Variants in CREBRF observed in about 807,000 individuals in gnomAD.
The protein encoded by CREBRF is UPF0474 protein C5orf41.
Under a neutral mutation model 66.1 loss-of-function variants are expected in CREBRF, and 5 were observed. The ratio of observed to expected loss-of-function variants is 0.08; its 90% CI spans 0.04 to 0.16. The LOEUF (loss-of-function observed/expected upper bound fraction) is 0.16. Among genes scored for constraint, CREBRF ranks in the 10% least tolerant of loss-of-function variants. The pLI, the probability that CREBRF is intolerant of heterozygous loss-of-function variation, is 1.00. For synonymous variants in CREBRF, 229 were observed against 264.4 expected (o/e 0.87, Z 1.30); for missense variants, 531 against 744.9 (o/e 0.71, Z 3.34).
chr5:173,085,087 T>C (rs1758093301), intron 2 of CREBRF, among the ~76,000 whole-genome samples: 2 of 151,942 alleles, frequency 1.3e-5, no homozygotes, highest in African/African-American at 2.4e-5. Context: ...GGATTACAGG[T>C]ACGTACCACC....
chr5:173,090,739 C>T lies in CREBRF; in HGVS notation c.560C>T (p.Ser187Phe). 6.2e-7 allele frequency: 1 copy of T among 1,614,172 alleles called. No individual in the cohort carries two copies. Among genetic ancestry groups the T allele is most frequent in the South Asian group, 1.1e-5 (1 of 91,084 alleles). ...AGCAGAGCAGCTGCTCCTGTGTGTT[C>T]TTCTAAGACTCTGCAGGCTGAGGTC... ...ITSRAAAPVCSSKTLQAEVPL... is the reference protein window; with the variant it reads ...ITSRAAAPVCFSKTLQAEVPL... The change falls in exon 4 of 9, where the codon TCT becomes TTT. Residue 187 changes from serine to phenylalanine, a missense_variant. Around this residue, in one of 5 missense-constraint regions of CREBRF, gnomAD observed 309 missense variants for 341.4 expected, o/e 0.90. Coordinates refer to ENST00000296953, the MANE Select transcript of CREBRF (RefSeq NM_153607.3). This position sits in a 1 kb window ranked among gnomAD's most constrained non-coding sequence, Gnocchi z 4.5.
At chr5:173,085,822 C>T in intron 2 of CREBRF, 2 of 781,418 alleles carry the variant, frequency 2.6e-6, no homozygotes, top group Non-Finnish European at 4.8e-6. Flanking sequence ...GAGTGATAGG[C>T]TTCTGTTTGT....
intron 8 of CREBRF, 168 bp downstream of exon 8, chr5:173,123,370 A>C (rs1269378569): frequency 3.5e-6 from 2 of 573,682 alleles, no homozygotes; most frequent in Non-Finnish European, 5.8e-6. Context: ...GTTCATAAAC[A>C]TGTGTTGCAG....
At chr5:173,059,256 C>CTTTTTTTTTTTTTTTTTTTTTTTTT (rs780723745) in intron 1 of CREBRF, among the ~76,000 whole-genome samples, 3 of 117,644 alleles carry the variant, frequency 2.6e-5, no homozygotes, top group African/African-American at 3.2e-5. Context: ...TCTTCTTTTT[C>CTTTTTTTTTTTTTTTTTTTTTTTTT]TTTTTTTTCT....
At chr5:173,108,554 G>C in intron 4 of CREBRF, 70 bp from the exon 5 acceptor site, 3 of 1,255,428 alleles carry the variant, frequency 2.4e-6, no homozygotes, top group Non-Finnish European at 3.4e-6. Context: ...AATAGAAGGG[G>C]TCTTTTCATT....
At chr5:173,063,177 C>G (rs992774361) in intron 1 of CREBRF, among the ~76,000 whole-genome samples, 1 of 152,160 alleles carries the variant, frequency 6.6e-6, no homozygotes, top group South Asian at 2.1e-4. Context: ...AATTTATGAC[C>G]TTTCCTCCAA....
At chr5:173,069,825 A>G (rs1757546010) in intron 1 of CREBRF, among the ~76,000 whole-genome samples, 2 of 152,108 alleles carry the variant, frequency 1.3e-5, no homozygotes, top group African/African-American at 4.8e-5. Context: ...GCTTCACAGT[A>G]GGAAGGAATT....
At chr5:173,084,914 G>C (rs906462542) in intron 2 of CREBRF, among the ~76,000 whole-genome samples, 6 of 151,800 alleles carry the variant, frequency 4.0e-5, no homozygotes, top group African/African-American at 4.8e-5. Context: ...CAAAGTGCTG[G>C]GATTACATGT....
At chr5:173,073,051 T>G (rs1757643608) in intron 1 of CREBRF, among the ~76,000 whole-genome samples, 1 of 152,222 alleles carries the variant, frequency 6.6e-6, no homozygotes, top group Non-Finnish European at 1.5e-5. Flanking sequence ...GCATGTTGTA[T>G]CTGCAGTGAT....
At position 173,090,518 on chromosome 5, in the gene CREBRF, A is replaced by C. The variant is rs981140064; in HGVS notation, c.339A>C (p.Lys113Asn). ...KLTSCDIWGT[K>N]EVDYLGLDDF... Reference sequence around the variant, plus strand: ...CCAGCTGTGACATCTGGGGAACAAAAGAAGTGGATTACTTGGGTCTTGATG... The same window carrying C: ...CCAGCTGTGACATCTGGGGAACAAACGAAGTGGATTACTTGGGTCTTGATG... Residue 113 changes from lysine to asparagine, a missense_variant, in exon 4 of 9, where the codon AAA (lysine) becomes AAC (asparagine). Physicochemically the swap from Lys to Asn is moderately conservative, Grantham distance 94 (BLOSUM62 0). Around this residue, in one of 5 missense-constraint regions of CREBRF, gnomAD observed 133 missense variants for 215.6 expected, o/e 0.62. Transcript: ENST00000296953. The surrounding 1 kb of genome is among the most constrained non-coding windows in gnomAD (Gnocchi z 4.5). 6.2e-7 allele frequency: 1 copy of C among 1,613,408 alleles called. No individual in the cohort carries two copies. The highest frequency in any genetic ancestry group is 1.3e-5 in the African/African-American group (1 of 75,032).
rs115235376 is a variant in CREBRF, at chr5:173,086,510, A to G, written c.19A>G (p.Ser7Gly). 3 of 1,613,926 alleles carry G rather than the reference A, an allele frequency of 1.9e-6. No individual in the cohort carries two copies. The African/African-American group carries it at 4.0e-5, about 22-fold the overall frequency. MPQPSV[S>G]GMDPPFGDAF... ...AATCACTCTGTTGTAGCCTAGTGTA[A>G]GCGGAATGGATCCGCCTTTCGGGGA... Residue 7 changes from serine (S) to glycine (G), a missense_variant, in exon 3 of 9, where the codon AGC becomes GGC. Physicochemically the swap from Ser to Gly is moderately conservative, Grantham distance 56. Transcript: ENST00000296953.
Position 173,134,356 on chromosome 5 carries a change from T to TG in CREBRF, c.*615dup. 3.3e-6 allele frequency: 1 copy of TG among 305,686 alleles called. No homozygotes were observed. Among genetic ancestry groups the TG allele is most frequent in the South Asian group, 2.8e-5 (1 of 35,392 alleles). The allele number at this position is 305,686 out of a possible 1,614,324, so 18.9% of individuals were successfully genotyped here. A position where few individuals can be genotyped will look rare whatever the true frequency, so the allele number is the denominator to read the frequency against. ...AGCATATTCTTTGTGCCTTGTATTT[T>TG]GGGGAAACTCTAAAACTGGTAATAT... On this transcript the variant is annotated 3_prime_UTR_variant, in exon 9 of 9. Coordinates refer to ENST00000296953, the MANE Select transcript of CREBRF (RefSeq NM_153607.3).
intron 2 of CREBRF, chr5:173,085,209 C>T (rs1758108673): frequency 2.7e-6 from 1 of 375,522 alleles, no homozygotes; most frequent in Non-Finnish European, 4.8e-6. Context: ...TCCCAAAATG[C>T]TGGGATTACA....
In CREBRF at chr5:173,137,685, T is replaced by A. The variant is rs750716966; in HGVS notation, c.*3940T>A. The stretch of plus-strand genomic sequence containing the variant: ...CAATGCTGTTAGTTTGGATTTCTTT[T>A]TATATATATATATAATATTCATACA... On this transcript the variant is annotated 3_prime_UTR_variant, in exon 9 of 9. Transcript: ENST00000296953. 8 of 151,282 alleles carry A rather than the reference T, an allele frequency of 5.3e-5. No individual in the cohort carries two copies. The highest frequency in any genetic ancestry group is 9.7e-5 in the African/African-American group (4 of 41,256). The allele number at this position is 151,282 out of a possible 1,614,324, so 9.4% of individuals were successfully genotyped here. A position where few individuals can be genotyped will look rare whatever the true frequency, so the allele number is the denominator to read the frequency against.
intron 4 of CREBRF, among the ~76,000 whole-genome samples, chr5:173,104,539 G>C (rs762820139): frequency 3.3e-5 from 5 of 152,132 alleles, no homozygotes; most frequent in African/African-American, 1.2e-4. Flanking sequence ...AATTAGCCCA[G>C]TGTAGTGGTA....
intron 1 of CREBRF, among the ~76,000 whole-genome samples, chr5:173,062,760 T>TTC (rs1405220904): frequency 3.3e-5 from 5 of 149,542 alleles, no homozygotes; most frequent in African/African-American, 1.2e-4. Context: ...TTTTTTTTTT[T>TTC]TTTTTGAGAC....
chr5:173,083,735 G>C (rs1448123822), intron 2 of CREBRF, among the ~76,000 whole-genome samples: 1 of 152,188 alleles, frequency 6.6e-6, no homozygotes, highest in Non-Finnish European at 1.5e-5. Context: ...TGTTAGACAA[G>C]GATTTGAAGA....
In CREBRF at chr5:173,125,842, C is replaced by T. The variant is rs528073691; in HGVS notation, c.1804+2640C>T. Among the ~76,000 whole-genome samples, 9 of 152,236 alleles carry T rather than the reference C, an allele frequency of 5.9e-5. No homozygotes were observed. In the East Asian group the frequency reaches 9.7e-4, roughly 16 times the overall value. On this transcript the variant is annotated intron_variant, in intron 8 of 8. Coordinates refer to ENST00000296953, the MANE Select transcript of CREBRF (RefSeq NM_153607.3). ...TTGTGCCACTGCGCTCCCGCCTGGG[C>T]GACAGAGCGAGACTCCTTTTCAAAA...
chr5:173,130,211 A>G (rs756148564), intron 8 of CREBRF, among the ~76,000 whole-genome samples: 1 of 152,196 alleles, frequency 6.6e-6, no homozygotes, highest in Non-Finnish European at 1.5e-5. Flanking sequence ...CTCATTTTTA[A>G]AAAAATTGAT....
Sources: allele counts gnomAD v4.1 joint callset (sites outside exome capture counted in the v4.1 genomes callset), GRCh38; gene constraint gnomAD v4.1.1; regional missense constraint gnomAD v4.1.1; non-coding constraint Gnocchi (gnomAD v3.1); transcripts MANE v1.5; gene names NCBI Gene and HGNC (gene_info 2026-07-23, HGNC 2026-07-21).